KLHL2: variants seen among roughly 807,000 people sequenced by gnomAD.
KLHL2 encodes the protein kelch like family member 2.
In KLHL2, 15 loss-of-function variants were observed where a neutral mutation model predicts 75.8. The observed-to-expected ratio is 0.20, with a 90% confidence interval of 0.13 to 0.30. KLHL2 has a LOEUF of 0.30. KLHL2 is among the 10% of genes least tolerant of loss of function. KLHL2 has a pLI of 1.00. For synonymous variants in KLHL2, 214 were observed against 251.9 expected, an observed-to-expected ratio of 0.85 and a Z score of 1.42; for missense variants, 381 against 741.0, an observed-to-expected ratio of 0.51 and a Z score of 5.64.
At chr4:165,268,784 A>G (rs981022560) in intron 5 of KLHL2, among the ~76,000 whole-genome samples, 2 of 152,188 alleles carry the variant, frequency 1.3e-5, no homozygotes, top group African/African-American at 2.4e-5. Flanking sequence ...AAGAATGTAT[A>G]TTCTGTTGAT....
intron 9 of KLHL2, among the ~76,000 whole-genome samples, chr4:165,308,606 T>A (rs959155589): frequency 5.9e-5 from 9 of 152,222 alleles, no homozygotes; most frequent in African/African-American, 1.9e-4. Flanking sequence ...ATTCATTTAT[T>A]TTCTTCCTCT....
At chr4:165,313,182 T>G in intron 11 of KLHL2, 56 bp from the exon 12 acceptor site, 1 of 1,565,796 alleles carries the variant, frequency 6.4e-7, no homozygotes, top group Middle Eastern at 1.7e-4. Context: ...AAAATTAGTG[T>G]TTTTTGTTTG....
intron 5 of KLHL2, among the ~76,000 whole-genome samples, chr4:165,270,668 T>A (rs983544318): frequency 6.6e-6 from 1 of 152,150 alleles, no homozygotes; most frequent in African/African-American, 2.4e-5. Context: ...ACAGCAGATA[T>A]TGCTGCCTGA....
intron 1 of KLHL2, among the ~76,000 whole-genome samples, chr4:165,213,909 ATAGTGCC>A (rs911311904): frequency 2.6e-5 from 4 of 152,232 alleles, no homozygotes; most frequent in Admixed American, 2.0e-4. Context: ...TTACATTCAT[ATAGTGCC>A]TAGTGCCTAT....
intron 5 of KLHL2, among the ~76,000 whole-genome samples, chr4:165,273,861 G>C (rs985691757): frequency 5.9e-5 from 9 of 152,342 alleles, no homozygotes; most frequent in Admixed American, 5.9e-4. Flanking sequence ...GAAGTGGGGA[G>C]ATAAGGAGTC....
intron 4 of KLHL2, among the ~76,000 whole-genome samples, chr4:165,254,985 A>C (rs1474241570): frequency 2.6e-5 from 4 of 152,242 alleles, no homozygotes; most frequent in African/African-American, 9.6e-5. Context: ...CTACATGGTC[A>C]TTGCCATGCA....
At chr4:165,260,487 G>C (rs1228011495) in intron 4 of KLHL2, among the ~76,000 whole-genome samples, 1 of 151,978 alleles carries the variant, frequency 6.6e-6, no homozygotes, top group Non-Finnish European at 1.5e-5. Context: ...TCCTAATACG[G>C]TAGATCTGAA....
chr4:165,234,301 A>C (rs1739148478), intron 3 of KLHL2, among the ~76,000 whole-genome samples: 2 of 152,228 alleles, frequency 1.3e-5, no homozygotes, highest in Non-Finnish European at 2.9e-5. Flanking sequence ...GTAGATGACA[A>C]GTGGAACTTG....
At chr4:165,249,101 A>G (rs1740484197) in intron 4 of KLHL2, among the ~76,000 whole-genome samples, 1 of 152,188 alleles carries the variant, frequency 6.6e-6, no homozygotes, top group Non-Finnish European at 1.5e-5. Context: ...TCATGGTGCA[A>G]TTCCTGGAAC....
chr4:165,298,344 C>T (rs1230738702), intron 7 of KLHL2, among the ~76,000 whole-genome samples: 2 of 152,142 alleles, frequency 1.3e-5, no homozygotes, highest in South Asian at 2.1e-4. Context: ...ACCCAAATAC[C>T]GTTTAATTTT....
chr4:165,210,901 T>C (rs1018333546), intron 1 of KLHL2, among the ~76,000 whole-genome samples: 2 of 152,240 alleles, frequency 1.3e-5, no homozygotes, highest in East Asian at 3.8e-4. Context: ...CTTGTTTTTT[T>C]ACTGGCTCCA....
chr4:165,218,106 T>C (rs937581618), intron 1 of KLHL2, among the ~76,000 whole-genome samples: 1 of 152,214 alleles, frequency 6.6e-6, no homozygotes, highest in Non-Finnish European at 1.5e-5. Flanking sequence ...CCTAAGCCAC[T>C]GTCATTTTTT....
At chr4:165,296,301 T>C (rs894922601) in intron 6 of KLHL2, among the ~76,000 whole-genome samples, 1 of 152,190 alleles carries the variant, frequency 6.6e-6, no homozygotes, top group African/African-American at 2.4e-5. Flanking sequence ...CTCCCTCCTC[T>C]CCCCTCCTTT....
chr4:165,313,293 A>C lies in KLHL2; in HGVS notation c.1395A>C (p.Thr465=), dbSNP rs1172567939. The change falls in exon 12 of 15, where the codon ACA becomes ACC. Residue 465 remains threonine (T), a synonymous_variant. Transcript: ENST00000226725. ...GAGCATCACGTCAGTGTCTTAGCACAGTAGAATGCTATAATGCTACAACAA... is the reference window on the plus strand; with the variant it reads ...GAGCATCACGTCAGTGTCTTAGCACCGTAGAATGCTATAATGCTACAACAA... ...YDGASRQCLS[T]VECYNATTNE... 6.2e-7 allele frequency: 1 copy of C among 1,601,884 alleles called. No homozygotes were observed. The highest frequency in any genetic ancestry group is 8.5e-7 in the Non-Finnish European group (1 of 1,174,962).
intron 4 of KLHL2, among the ~76,000 whole-genome samples, chr4:165,261,621 G>A (rs1469439541): frequency 6.6e-6 from 1 of 152,200 alleles, no homozygotes; most frequent in African/African-American, 2.4e-5. Context: ...TTACAGGCGT[G>A]AGCCACCACG....
chr4:165,210,224 A>G (rs1314469263), intron 1 of KLHL2: 3 of 1,525,194 alleles, frequency 2.0e-6, no homozygotes, highest in Non-Finnish European at 2.7e-6. Flanking sequence ...AAATATTTGA[A>G]TGCCTGTCTC....
chr4:165,318,734 C>G (rs368587504), intron 14 of KLHL2, among the ~76,000 whole-genome samples: 29 of 152,066 alleles, frequency 1.9e-4, no homozygotes, highest in African/African-American at 5.6e-4. Context: ...TTGGACAACA[C>G]AGGTTTGAAC....
intron 6 of KLHL2, among the ~76,000 whole-genome samples, chr4:165,296,537 A>G (rs990522265): frequency 3.9e-5 from 6 of 152,188 alleles, no homozygotes; most frequent in Non-Finnish European, 7.3e-5. Context: ...ATATAAGGGT[A>G]TGGATCTGGG....
intron 5 of KLHL2, among the ~76,000 whole-genome samples, chr4:165,264,748 A>ATATATATG (rs1742088510): frequency 1.3e-5 from 1 of 76,068 alleles, no homozygotes; most frequent in Non-Finnish European, 2.6e-5. Context: ...ATGTATATAT[A>ATATATATG]TATATATATA....
Sources: allele counts gnomAD v4.1 joint callset (sites outside exome capture counted in the v4.1 genomes callset), GRCh38; gene constraint gnomAD v4.1.1; transcripts MANE v1.5; gene names NCBI Gene and HGNC (gene_info 2026-07-23, HGNC 2026-07-21).